KIF1A: variants seen among roughly 807,000 people sequenced by gnomAD.
KIF1A encodes the protein kinesin family member 1A, also known as kinesin-like protein KIF1A.
KIF1A carries 46 observed loss-of-function variants against 227.3 expected under a neutral mutation model. The observed-to-expected ratio is 0.20, with a 90% CI of 0.16 to 0.26. The LOEUF is 0.26. Among genes scored for constraint, KIF1A ranks in the 10% least tolerant of loss-of-function variants. The pLI is 1.00. For missense variants in KIF1A, 1,683 were observed against 2,485.9 expected (o/e 0.68, Z 6.87); for synonymous variants, 1,022 against 1,012.8 (o/e 1.01, Z -0.17).
chr2:240,744,073 C>T lies in KIF1A; in HGVS notation c.3466-13G>A. 2 of 1,570,678 alleles carry T rather than the reference C, an allele frequency of 1.3e-6. No individual in the cohort carries two copies. Among genetic ancestry groups the T allele is most frequent in the Non-Finnish European group, 1.8e-6 (2 of 1,140,622 alleles). ...CCTCCACTGCGATCTGGTGGGCAGG[C>T]AGGTGGGAGGACAGGAGGGCACGGC... is the stretch of plus-strand genomic sequence containing the variant. On this transcript the variant is annotated splice_polypyrimidine_tract_variant and intron_variant, in intron 32 of 48. Transcript: ENST00000498729.
chr2:240,721,334 C>A (rs1181387635), intron 44 of KIF1A, among the ~76,000 whole-genome samples: 1 of 152,264 alleles, frequency 6.6e-6, no homozygotes, highest in Non-Finnish European at 1.5e-5. Flanking sequence ...CCTGCCCATG[C>A]CAGCGTGAGG....
In KIF1A at chr2:240,719,069, C is replaced by A. The variant is rs183583788; in HGVS notation, c.5151G>T (p.Arg1717=). The change falls in exon 47 of 49, where the codon CGG becomes CGT. Residue 1717 remains arginine, a synonymous_variant. Transcript: ENST00000498729. ...GGGCAGTGGCCAGGTTGAGCACGAA[C>A]CGCTCCACGGTGTCCTTGTCGCTGT... ...MYNSDKDTVE[R]FVLNLATAQV... 219 of 1,612,492 alleles carry A rather than the reference C, an allele frequency of 1.4e-4. No individual in the cohort carries two copies. Among genetic ancestry groups the A allele is most frequent in the Non-Finnish European group, 1.8e-4 (209 of 1,179,760 alleles).
At chr2:240,808,793 C>T (rs1186518791) in intron 1 of KIF1A, among the ~76,000 whole-genome samples, 11 of 151,736 alleles carry the variant, frequency 7.2e-5, no homozygotes, top group Admixed American at 3.9e-4. Context: ...TGCAACGGTG[C>T]GATCTTGACT....
At chr2:240,762,647 G>A in intron 23 of KIF1A, 72 bp downstream of exon 23, 11 of 1,425,282 alleles carry the variant, frequency 7.7e-6, no homozygotes, top group Non-Finnish European at 1.0e-5. Flanking sequence ...CCTCCAGGGA[G>A]AGGCCCAGGG....
rs35916226 is a variant in KIF1A at position 240,808,509 on chromosome 2, ATT to A, written c.-60-10699_-60-10698del. Among the ~76,000 whole-genome samples, 167 of 22,710 alleles carry A rather than the reference ATT, an allele frequency of 7.4e-3. 1 individual carries two copies. The highest frequency in any genetic ancestry group is 0.058 in the South Asian group (20 of 346). 14.9% of individuals were successfully genotyped at this position (22,710 alleles called of 152,430 possible). On this transcript the variant is annotated intron_variant, in intron 1 of 48. Coordinates refer to ENST00000498729, the MANE Select transcript of KIF1A (RefSeq NM_001244008.2). ...CCCATTTCTAAAACAAAAAAAAAAA[ATT>A]TTTTTTTTTTAATTAGCCAGGAGTA... is the stretch of plus-strand genomic sequence containing the variant.
Position 240,770,983 on chromosome 2 carries a change from A to C in KIF1A, c.1329T>G (p.Ile443Met), listed in dbSNP as rs761314693. The change falls in exon 15 of 49, where the codon ATT (isoleucine) becomes ATG (methionine). Residue 443 changes from isoleucine to methionine, a missense_variant. Coordinates refer to ENST00000498729, the MANE Select transcript of KIF1A (RefSeq NM_001244008.2). ...ILFAPGSEEA[I>M]ERLKETEKII... ...GTGGTGCCCTCACCTTCAGTCTTTC[A>C]ATGGCCTCCTCGCTGCCCGGGGCAA... is the stretch of plus-strand genomic sequence containing the variant. 6.2e-7 allele frequency: 1 copy of C among 1,611,402 alleles called. No individual in the cohort carries two copies. Among genetic ancestry groups the C allele is most frequent in the Non-Finnish European group, 8.5e-7 (1 of 1,179,782 alleles).
chr2:240,779,484 TCACTCAGTTCCA>T (rs879423283), intron 10 of KIF1A, among the ~76,000 whole-genome samples: 8,440 of 136,358 alleles, frequency 0.062, 324 homozygotes, highest in Non-Finnish European at 0.09. Flanking sequence ...ACTCAGTTCC[TCACTCAGTTCCA>T]CACTCAGTTC....
At chr2:240,770,871 G>A (rs2125949356) in intron 15 of KIF1A, 100 bp downstream of exon 15, 2 of 1,409,314 alleles carry the variant, frequency 1.4e-6, no homozygotes, top group Non-Finnish European at 1.9e-6. Flanking sequence ...ATGGCCCTAT[G>A]AGGATGGGCT....
chr2:240,799,711 C>T (rs2056788730), intron 1 of KIF1A, among the ~76,000 whole-genome samples: 1 of 152,164 alleles, frequency 6.6e-6, no homozygotes, highest in African/African-American at 2.4e-5. Flanking sequence ...TTCACCAGTC[C>T]CTGGCTAGAG....
intron 38 of KIF1A, among the ~76,000 whole-genome samples, chr2:240,734,101 C>T (rs1376208977): frequency 3.9e-5 from 6 of 152,228 alleles, no homozygotes; most frequent in African/African-American, 7.2e-5. Context: ...AAAGGATGCT[C>T]GGTGGCCACG....
intron 14 of KIF1A, chr2:240,771,433 A>G: frequency 4.8e-6 from 2 of 418,566 alleles, no homozygotes; most frequent in Non-Finnish European, 4.5e-6. Context: ...CAGCAGCAGC[A>G]TGGCACAGAC....
chr2:240,786,354 C>T lies in KIF1A; in HGVS notation c.589G>A (p.Asp197Asn). 1 of 1,613,600 alleles carries T rather than the reference C, an allele frequency of 6.2e-7. No individual in the cohort carries two copies. The highest frequency in any genetic ancestry group is 8.5e-7 in the Non-Finnish European group (1 of 1,179,790). ...TSYNDIQDLM[D>N]SGNKARTVAA... ...ACCCACCTGGCCTTGTTCCCTGAGT[C>T]CATGAGGTCCTGGATGTCATTGTAG... The change falls in exon 6 of 49, where the codon GAC becomes AAC. Residue 197 changes from aspartate to asparagine, a missense_variant. By Grantham distance (23) the Asp-to-Asn change is conservative. Coordinates refer to ENST00000498729, the MANE Select transcript of KIF1A (RefSeq NM_001244008.2).
intron 46 of KIF1A, among the ~76,000 whole-genome samples, 152 bp downstream of exon 46, chr2:240,719,622 C>A (rs1385816588): frequency 6.6e-6 from 1 of 152,234 alleles, no homozygotes; most frequent in Admixed American, 6.5e-5. Flanking sequence ...TCAGGGGCAG[C>A]CTGCCTGAAC....
intron 28 of KIF1A, chr2:240,748,691 C>A: frequency 3.0e-6 from 1 of 335,040 alleles, no homozygotes; most frequent in East Asian, 1.6e-4. Context: ...TGGGGCCCTT[C>A]CCTGGTGTTC....
intron 38 of KIF1A, among the ~76,000 whole-genome samples, chr2:240,734,329 C>T (rs1418522008): frequency 6.6e-6 from 1 of 152,100 alleles, no homozygotes; most frequent in Non-Finnish European, 1.5e-5. Context: ...CCAAGGGCAG[C>T]GGGCCAGCCA....
intron 41 of KIF1A, 61 bp from the exon 42 acceptor site, chr2:240,723,619 C>A (rs2045660781): frequency 6.8e-7 from 1 of 1,475,252 alleles, no homozygotes; most frequent in African/African-American, 1.4e-5. Context: ...TCCCACCCAT[C>A]CTAGAGGTCC....
intron 48 of KIF1A, among the ~76,000 whole-genome samples, chr2:240,717,713 G>A (rs573941955): frequency 6.8e-4 from 104 of 152,360 alleles, no homozygotes; most frequent in African/African-American, 2.4e-3. Flanking sequence ...AATTTTGAAA[G>A]TATGGCCTGG....
In KIF1A at chr2:240,740,231, G is replaced by T; in HGVS notation, c.3816+67C>A. The T allele has an allele frequency of 6.4e-7, 1 of 1,561,564 alleles. No homozygotes were observed. On this transcript the variant is annotated intron_variant, in intron 36 of 48. Coordinates refer to ENST00000498729, the MANE Select transcript of KIF1A (RefSeq NM_001244008.2). This position sits in a 1 kb window ranked among gnomAD's most constrained non-coding sequence, Gnocchi z 6.1. ...GGGACACAGGCAGGGTAGGGGCAGG[G>T]AGAGGCTCACACCTGGTGGGGTGGG...
At position 240,717,260 on chromosome 2, in the gene KIF1A, G is replaced by A. The variant is rs1190935025; in HGVS notation, c.*104C>T. On this transcript the variant is annotated 3_prime_UTR_variant, in exon 49 of 49. Transcript: ENST00000498729. ...CGTCCCCTGGGGGGTCGACCCGGTCGTGGGCTGTCTGGCAGGAGAGGGGCT... is the reference window on the plus strand; with the variant it reads ...CGTCCCCTGGGGGGTCGACCCGGTCATGGGCTGTCTGGCAGGAGAGGGGCT... The A allele has an allele frequency of 1.1e-5, 13 of 1,167,296 alleles. No homozygotes were observed. Among genetic ancestry groups the A allele is most frequent in the Non-Finnish European group, 1.1e-5 (9 of 796,592 alleles). The allele number at this position is 1,167,296 out of a possible 1,614,324, so 72.3% of individuals were successfully genotyped here.
Sources: gnomAD v4.1 joint callset for allele counts (sites outside exome capture counted in the v4.1 genomes callset) on GRCh38, gnomAD v4.1.1 for gene constraint, Gnocchi (gnomAD v3.1) non-coding constraint, MANE v1.5 for transcripts, NCBI Gene and HGNC (gene_info 2026-07-23, HGNC 2026-07-21) for gene names.